The following SCN9A variants were observed in gnomAD, a reference collection of about 807,000 sequenced individuals.
SCN9A encodes the protein sodium channel protein type 9 subunit alpha.
SCN9A carries 131 observed loss-of-function variants against 187.0 expected under a neutral mutation model. That is an observed-to-expected ratio of 0.70 (90% confidence interval 0.61 to 0.81). The LOEUF (loss-of-function observed/expected upper bound fraction) is 0.81, where lower values mean the gene tolerates loss of function less well. SCN9A is among the 30% of genes least tolerant of loss of function. SCN9A has a pLI of 0.00. For synonymous variants in SCN9A, 809 were observed against 808.6 expected (o/e 1.00, Z -0.01); for missense variants, 2,252 against 2,396.6 (o/e 0.94, Z 1.26).
At chr2:166,222,475 A>G (rs1425570002) in intron 24 of SCN9A, among the ~76,000 whole-genome samples, 1 of 152,010 alleles carries the variant, frequency 6.6e-6, no homozygotes, top group Non-Finnish European at 1.5e-5. Context: ...TGAAAATACA[A>G]AAATTAGCTG....
At chr2:166,272,335 G>C in intron 17 of SCN9A, 64 bp downstream of exon 17, 1 of 1,084,124 alleles carries the variant, frequency 9.2e-7, no homozygotes, top group Non-Finnish European at 1.3e-6. Context: ...ATAGAAATAT[G>C]AAATTTTCAT....
At chr2:166,204,687 A>G (rs924107035) in intron 24 of SCN9A, 5 of 279,726 alleles carry the variant, frequency 1.8e-5, no homozygotes, top group Non-Finnish European at 2.6e-5. Flanking sequence ...TTTGTATTAC[A>G]TATAATAAGG....
At chr2:166,234,859 G>T (rs7592052) in intron 20 of SCN9A, among the ~76,000 whole-genome samples, 85,591 of 151,894 alleles carry the variant, frequency 0.56, 24,500 homozygotes, top group Non-Finnish European at 0.6. Flanking sequence ...TTTAAAAGGT[G>T]ATGAGGTCAT....
intron 1 of SCN9A, among the ~76,000 whole-genome samples, chr2:166,346,420 G>T (rs188275827): frequency 6.6e-6 from 1 of 152,178 alleles, no homozygotes; most frequent in Admixed American, 6.6e-5. Flanking sequence ...AGCAAAGTAA[G>T]ATTTTAATAT....
At chr2:166,240,314 C>T (rs1695509320) in intron 19 of SCN9A, among the ~76,000 whole-genome samples, 1 of 151,778 alleles carries the variant, frequency 6.6e-6, no homozygotes, top group African/African-American at 2.4e-5. Context: ...AGGTTTGTTA[C>T]ATAGGTAAAC....
At chr2:166,348,964 A>T (rs149458240) in intron 1 of SCN9A, among the ~76,000 whole-genome samples, 52 of 151,680 alleles carry the variant, frequency 3.4e-4, no homozygotes, top group Non-Finnish European at 5.4e-4. Context: ...CATCTCTACT[A>T]AAAAAAATAC....
chr2:166,315,175 A>G (rs1699078557), intron 1 of SCN9A, among the ~76,000 whole-genome samples: 1 of 152,202 alleles, frequency 6.6e-6, no homozygotes, highest in Non-Finnish European at 1.5e-5. Flanking sequence ...AACTTGCCTC[A>G]CTAGACTTTC....
intron 14 of SCN9A, among the ~76,000 whole-genome samples, chr2:166,278,909 A>T (rs1256535404): frequency 6.6e-6 from 1 of 152,192 alleles, no homozygotes; most frequent in African/African-American, 2.4e-5. Context: ...TAAAAAGGCA[A>T]CACCGAAATG....
chr2:166,223,046 C>A (rs1447916783), intron 24 of SCN9A, among the ~76,000 whole-genome samples: 1 of 109,608 alleles, frequency 9.1e-6, no homozygotes, highest in Admixed American at 8.7e-5. Flanking sequence ...AAAACAAAAA[C>A]CACCCAAATC....
chr2:166,242,734 G>C, intron 18 of SCN9A, 78 bp from the exon 19 acceptor site: 1 of 1,111,824 alleles, frequency 9.0e-7, no homozygotes, highest in Middle Eastern at 2.1e-4. Flanking sequence ...AATGCAAACT[G>C]CTTTCTGTGA....
chr2:166,220,596 T>G (rs1201982362), intron 24 of SCN9A, among the ~76,000 whole-genome samples: 1 of 152,180 alleles, frequency 6.6e-6, no homozygotes, highest in Non-Finnish European at 1.5e-5. Flanking sequence ...AGGTTTATGT[T>G]CATTATAAAT....
intron 11 of SCN9A, 76 bp from the exon 12 acceptor site, chr2:166,284,900 A>T: frequency 1.4e-6 from 2 of 1,445,592 alleles, no homozygotes; most frequent in Non-Finnish European, 1.8e-6. Flanking sequence ...ATACCACTGA[A>T]CCCACTGGCC....
intron 17 of SCN9A, among the ~76,000 whole-genome samples, chr2:166,268,683 G>A (rs928379059): frequency 6.6e-6 from 1 of 151,878 alleles, no homozygotes; most frequent in Non-Finnish European, 1.5e-5. Flanking sequence ...TTAGATGTAA[G>A]GTTTTTATAG....
chr2:166,259,811 C>T (rs948095597), intron 17 of SCN9A, among the ~76,000 whole-genome samples: 3 of 151,534 alleles, frequency 2.0e-5, no homozygotes, highest in Admixed American at 2.0e-4. Flanking sequence ...ATATGTCAGA[C>T]AAATATTTCA....
intron 12 of SCN9A, 137 bp downstream of exon 12, chr2:166,284,316 C>G (rs762275716): frequency 1.6e-5 from 16 of 992,808 alleles, no homozygotes; most frequent in Non-Finnish European, 2.1e-5. Context: ...GCTAATGAAT[C>G]AAAGGTGTGT....
intron 24 of SCN9A, among the ~76,000 whole-genome samples, chr2:166,220,862 GAAAA>G (rs1344720460): frequency 7.0e-6 from 1 of 143,880 alleles, no homozygotes; most frequent in Non-Finnish European, 1.5e-5. Flanking sequence ...CAATCTGAAA[GAAAA>G]AAGTGTTTAC....
chr2:166,223,793 T>A (rs926753920), intron 24 of SCN9A, among the ~76,000 whole-genome samples: 1 of 152,194 alleles, frequency 6.6e-6, no homozygotes, highest in Non-Finnish European at 1.5e-5. Flanking sequence ...TCATTTGTTT[T>A]TTTTCTTTGG....
chr2:166,212,606 CTG>C (rs1285700162), intron 24 of SCN9A, among the ~76,000 whole-genome samples: 1 of 152,200 alleles, frequency 6.6e-6, no homozygotes, highest in Non-Finnish European at 1.5e-5. Flanking sequence ...TATAAACAAA[CTG>C]TGGATTTGAA....
Position 166,288,480 on chromosome 2 carries a change from T to C in SCN9A, c.1271A>G (p.Gln424Arg). 1.2e-6 allele frequency: 2 copies of C among 1,612,992 alleles called. No homozygotes were observed. Among genetic ancestry groups the C allele is most frequent in the Non-Finnish European group, 1.7e-6 (2 of 1,179,224 alleles). ...TTTTTTAAGACGGTCTAACATCTGT[T>C]GAAATTCTAATTCTTTCTGTTTAGC... ...EEAKQKELEF[Q>R]QMLDRLKKEQ... The change falls in exon 10 of 27, where the codon CAA becomes CGA. Residue 424 changes from glutamine to arginine, a missense_variant. Transcript: ENST00000642356.
Sources: allele counts gnomAD v4.1 joint callset (sites outside exome capture counted in the v4.1 genomes callset), GRCh38; gene constraint gnomAD v4.1.1; transcripts MANE v1.5; gene names NCBI Gene and HGNC (gene_info 2026-07-23, HGNC 2026-07-21).